Variants in TBC1D2B observed in about 807,000 individuals in gnomAD.
The protein encoded by TBC1D2B is TBC1 domain family member 2B.
A neutral mutation model predicts 100.8 loss-of-function variants in TBC1D2B; 64 were observed. The ratio of observed to expected loss-of-function variants is 0.64; its 90% CI spans 0.52 to 0.78. The LOEUF is 0.78. TBC1D2B is among the 30% of genes least tolerant of loss of function. The pLI, the probability that TBC1D2B is intolerant of heterozygous loss-of-function variation, is 0.00. For missense variants in TBC1D2B, 1,052 were observed against 1,218.4 expected (o/e 0.86, Z 2.03); for synonymous variants, 480 against 479.7 (o/e 1.00, Z -0.01).
intron 1 of TBC1D2B, among the ~76,000 whole-genome samples, chr15:78,058,884 G>A (rs1157721870): frequency 2.0e-5 from 3 of 152,218 alleles, no homozygotes; most frequent in Non-Finnish European, 1.5e-5. Flanking sequence ...GCCAGGTGCT[G>A]GTGTGTGCTG....
chr15:78,000,272 T>C (rs982776222), intron 12 of TBC1D2B, among the ~76,000 whole-genome samples: 6 of 152,214 alleles, frequency 3.9e-5, no homozygotes, highest in Non-Finnish European at 5.9e-5. Flanking sequence ...GGGGCCAGGT[T>C]GGCCTGCGGT....
intron 4 of TBC1D2B, 93 bp downstream of exon 4, chr15:78,029,914 C>CTCGAAATA: frequency 1.8e-6 from 2 of 1,095,062 alleles, no homozygotes; most frequent in Non-Finnish European, 1.3e-6. Context: ...CCTTATGCTT[C>CTCGAAATA]TCGAAATACC....
chr15:78,053,044 C>A (rs915385343), intron 2 of TBC1D2B, among the ~76,000 whole-genome samples: 1 of 152,288 alleles, frequency 6.6e-6, no homozygotes, highest in Non-Finnish European at 1.5e-5. Flanking sequence ...GGTTAACCTG[C>A]TGAAAAATAC....
Position 78,076,673 on chromosome 15 carries a change from G to A in TBC1D2B, c.360+620C>T, listed in dbSNP as rs1167559204. ...AGGCTGAGGTGGGAGGATCTCTTGA[G>A]CCCAGGCATGGAGGCTGCAGTGAGC... On this transcript the variant is annotated intron_variant, in intron 1 of 12. Transcript: ENST00000300584. Among the ~76,000 whole-genome samples the A allele has an allele frequency of 3.3e-5, 5 of 152,112 alleles. No homozygotes were observed. In the East Asian group the frequency reaches 9.6e-4, roughly 29 times the overall value.
Position 78,012,962 on chromosome 15 carries a change from C to A in TBC1D2B, c.2131G>T (p.Glu711Ter), listed in dbSNP as rs1389266721. The change falls in exon 9 of 13, where the codon GAG becomes TAG. Residue 711 changes from glutamate (E) to a stop codon, truncating the protein, a stop_gained. Coordinates refer to ENST00000300584, the MANE Select transcript of TBC1D2B (RefSeq NM_144572.2). LOFTEE classifies it high-confidence loss of function. ...EKQNPASKQI[E>*]LDLLRTLPNN... is the part of the protein sequence containing the mutation. ...GGCAGAGTTCGCAGCAAGTCCAGCT[C>A]AATCTGCTTGGAGGCTGGGTTCTGT... is the stretch of plus-strand genomic sequence containing the variant. 3 of 1,583,376 alleles carry A rather than the reference C, an allele frequency of 1.9e-6. No homozygotes were observed. The highest frequency in any genetic ancestry group is 3.5e-5 in the Admixed American group (2 of 57,778).
chr15:78,006,148 TC>T (rs1312797063), intron 10 of TBC1D2B, among the ~76,000 whole-genome samples: 1 of 152,012 alleles, frequency 6.6e-6, no homozygotes, highest in Non-Finnish European at 1.5e-5. Context: ...CATGTGACCC[TC>T]CCCCCAAGTT....
intron 2 of TBC1D2B, among the ~76,000 whole-genome samples, chr15:78,051,578 G>A (rs557135506): frequency 1.2e-4 from 19 of 152,344 alleles, no homozygotes; most frequent in African/African-American, 4.3e-4. Flanking sequence ...TTAGGTGCTA[G>A]GAGGGTCCTG....
chr15:78,065,935 A>G, intron 1 of TBC1D2B: 1 of 452,174 alleles, frequency 2.2e-6, no homozygotes, highest in South Asian at 1.6e-5. Flanking sequence ...TTTAAGGTGG[A>G]GTTGGTGTCT....
At chr15:78,018,862 C>T (rs2072442608) in intron 6 of TBC1D2B, among the ~76,000 whole-genome samples, 1 of 152,198 alleles carries the variant, frequency 6.6e-6, no homozygotes, top group African/African-American at 2.4e-5. Context: ...GCTAAGGATA[C>T]TAAACCGAAT....
At chr15:78,074,866 T>A (rs1472269082) in intron 1 of TBC1D2B, among the ~76,000 whole-genome samples, 1 of 152,254 alleles carries the variant, frequency 6.6e-6, no homozygotes, top group Non-Finnish European at 1.5e-5. Context: ...TGTTTACTAC[T>A]GCATAATATT....
At chr15:78,028,477 T>C (rs2072728679) in intron 4 of TBC1D2B, among the ~76,000 whole-genome samples, 2 of 152,154 alleles carry the variant, frequency 1.3e-5, no homozygotes, top group Admixed American at 6.5e-5. Context: ...TCTCAATAAA[T>C]AAAATAAATA....
chr15:78,045,674 T>C (rs933275425), intron 2 of TBC1D2B, among the ~76,000 whole-genome samples: 18 of 152,176 alleles, frequency 1.2e-4, no homozygotes, highest in Admixed American at 1.2e-3. Context: ...ATAGTTAAGG[T>C]GGAAATGATA....
intron 1 of TBC1D2B, among the ~76,000 whole-genome samples, chr15:78,065,285 T>C (rs1457981214): frequency 1.3e-5 from 2 of 152,172 alleles, no homozygotes; most frequent in African/African-American, 4.8e-5. Context: ...ACTAGAAGAA[T>C]AGGGCCTACA....
chr15:78,039,524 G>A (rs1055698602), intron 3 of TBC1D2B, among the ~76,000 whole-genome samples: 4 of 152,114 alleles, frequency 2.6e-5, no homozygotes, highest in Admixed American at 2.0e-4. Context: ...GGCTAGCTCA[G>A]CCCTTACACC....
chr15:78,026,251 T>A (rs1346520090), intron 4 of TBC1D2B, among the ~76,000 whole-genome samples: 1 of 152,082 alleles, frequency 6.6e-6, no homozygotes, highest in Non-Finnish European at 1.5e-5. Flanking sequence ...TATTGGCAAG[T>A]GAGGCCTAAT....
chr15:78,061,982 T>C (rs1270980169), intron 1 of TBC1D2B, among the ~76,000 whole-genome samples: 1 of 152,274 alleles, frequency 6.6e-6, no homozygotes, highest in East Asian at 1.9e-4. Context: ...CACAAGACTC[T>C]ATGCAGAAAA....
chr15:78,062,240 G>A (rs938764105), intron 1 of TBC1D2B, among the ~76,000 whole-genome samples: 15 of 152,090 alleles, frequency 9.9e-5, no homozygotes, highest in Admixed American at 9.8e-4. Flanking sequence ...GAAGGTAAAG[G>A]GCTTTCTAAA....
At position 77,996,041 on chromosome 15, in the gene TBC1D2B, T is replaced by C. The variant is rs2141598202; in HGVS notation, c.*2119A>G. 1 of 151,546 alleles carries C rather than the reference T, an allele frequency of 6.6e-6. No homozygotes were observed. The highest frequency in any genetic ancestry group is 2.4e-5 in the African/African-American group (1 of 41,380). 9.4% of individuals were successfully genotyped at this position (151,546 alleles called of 1,614,324 possible). A position where few individuals can be genotyped will look rare whatever the true frequency, so the allele number is the denominator to read the frequency against. ...ACTTTAACCAGGCGGAGCCGCCCTC[T>C]CTTGCCTTCTGGACACGCATCACTT... On this transcript the variant is annotated 3_prime_UTR_variant, in exon 13 of 13. Transcript: ENST00000300584.
chr15:78,069,614 G>C (rs1189583410), intron 1 of TBC1D2B, among the ~76,000 whole-genome samples: 1 of 152,308 alleles, frequency 6.6e-6, no homozygotes. Context: ...AGTACTAAGA[G>C]GGAAGCCTTG....
Sources: gnomAD v4.1 joint callset for allele counts (sites outside exome capture counted in the v4.1 genomes callset) on GRCh38, gnomAD v4.1.1 for gene constraint, MANE v1.5 for transcripts, NCBI Gene and HGNC (gene_info 2026-07-23, HGNC 2026-07-21) for gene names.